Variants in TBC1D14 observed in about 807,000 individuals in gnomAD.
The protein encoded by TBC1D14 is TBC1 domain family, member 14.
Under a neutral mutation model 79.0 loss-of-function variants are expected in TBC1D14, and 26 were observed. The ratio of observed to expected loss-of-function variants is 0.33; its 90% CI spans 0.24 to 0.46. The LOEUF is 0.46. Among genes scored for constraint, TBC1D14 ranks in the 20% least tolerant of loss-of-function variants. The probability of loss-of-function intolerance (pLI) is 1.00; values close to 1 mark genes in which losing one functional copy is unlikely to be tolerated. For synonymous variants in TBC1D14, 394 were observed against 349.9 expected, an observed-to-expected ratio of 1.13 and a Z score of -1.40; for missense variants, 769 against 887.6, an observed-to-expected ratio of 0.87 and a Z score of 1.70.
At chr4:7,021,093 C>G (rs1281837693) in intron 12 of TBC1D14, among the ~76,000 whole-genome samples, 1 of 152,230 alleles carries the variant, frequency 6.6e-6, no homozygotes, top group Admixed American at 6.5e-5. Context: ...TGCCCTCGTC[C>G]TTACCCCATG....
At chr4:6,993,260 C>A (rs1000572715) in intron 3 of TBC1D14, among the ~76,000 whole-genome samples, 2 of 152,198 alleles carry the variant, frequency 1.3e-5, no homozygotes, top group African/African-American at 4.8e-5. Flanking sequence ...TATCTATAAT[C>A]ATCTTAAATG....
rs191185377 is a variant in TBC1D14, at chr4:6,959,127, C to T, written c.723-8177C>T. On this transcript the variant is annotated intron_variant, in intron 2 of 13. Coordinates refer to ENST00000409757, the MANE Select transcript of TBC1D14 (RefSeq NM_020773.3). ...GTCTGCATCTCCTGACCTTGTGATC[C>T]GCCCGCCTCGGCCTCCCAAAGTGCT... 1.1e-3 allele frequency among the ~76,000 whole-genome samples: 169 copies of T among 152,226 alleles called. 1 individual carries two copies. Among genetic ancestry groups the T allele is most frequent in the Middle Eastern group, 6.8e-3 (2 of 294 alleles).
chr4:7,013,277 G>A (rs1348224584), intron 11 of TBC1D14, among the ~76,000 whole-genome samples: 6 of 152,220 alleles, frequency 3.9e-5, no homozygotes, highest in African/African-American at 9.7e-5. Flanking sequence ...ACCTGCCCCC[G>A]GTTATGACGA....
rs1724086859 is a variant in TBC1D14 at position 6,924,090 on chromosome 4, C to T, written c.701C>T (p.Pro234Leu). ...GGGAGTAAATTGAAAATATTGGGGC[C>T]ATTTAGTAACTTCTTTGCAAGGTAA... Reference protein sequence around the residue: ...EEGSKLKILGPFSNFFARNLL... With the variant: ...EEGSKLKILGLFSNFFARNLL... The change falls in exon 2 of 14, where the codon CCA becomes CTA. Residue 234 changes from proline to leucine, a missense_variant. Around this residue, in one of 2 missense-constraint regions of TBC1D14, gnomAD observed 402 missense variants for 393.2 expected, o/e 1.02. Transcript: ENST00000409757. 2 of 1,612,378 alleles carry T rather than the reference C, an allele frequency of 1.2e-6. No homozygotes were observed. The highest frequency in any genetic ancestry group is 1.1e-5 in the South Asian group (1 of 91,060).
chr4:7,009,083 T>G (rs1164893433), intron 9 of TBC1D14, among the ~76,000 whole-genome samples: 1 of 152,244 alleles, frequency 6.6e-6, no homozygotes, highest in African/African-American at 2.4e-5. Flanking sequence ...CATTCTTTTG[T>G]AAGCCACCTG....
chr4:7,019,887 A>G (rs77596409), intron 12 of TBC1D14, among the ~76,000 whole-genome samples: 1,905 of 14,108 alleles, frequency 0.14, 365 homozygotes, highest in African/African-American at 0.19. Context: ...GGACTCTGGG[A>G]CACAGAGGTG....
chr4:6,994,822 T>C (rs1312854793), intron 4 of TBC1D14, among the ~76,000 whole-genome samples: 1 of 148,388 alleles, frequency 6.7e-6, no homozygotes, highest in Admixed American at 6.8e-5. Flanking sequence ...ATCACACCAT[T>C]AATTACACTC....
At chr4:7,014,345 A>G (rs1029728142) in intron 11 of TBC1D14, 103 bp from the exon 12 acceptor site, 46 of 694,708 alleles carry the variant, frequency 6.6e-5, no homozygotes, top group South Asian at 6.3e-4. Context: ...TAATTACAGA[A>G]GAAGGTAATT....
rs145132576 is a variant in TBC1D14, at chr4:6,916,998, A to T, written c.-17-6375A>T. On this transcript the variant is annotated intron_variant, in intron 1 of 13. Transcript: ENST00000409757. ...GGCAGGAATTTTCACTTTCCTGACC[A>T]TCATGTGTTGACAGCGTTCCTCACC... is the stretch of plus-strand genomic sequence containing the variant. Among the ~76,000 whole-genome samples the T allele has an allele frequency of 1.1e-3, 169 of 152,338 alleles. 6 individuals are homozygous for T. In the East Asian group the frequency reaches 0.024, roughly 21 times the overall value.
chr4:6,971,654 A>G (rs989791086), intron 3 of TBC1D14, among the ~76,000 whole-genome samples: 3 of 152,238 alleles, frequency 2.0e-5, no homozygotes, highest in Non-Finnish European at 2.9e-5. Context: ...GTGGCTGTCC[A>G]GTTGCGGTCC....
chr4:6,956,768 C>G (rs534903660), intron 2 of TBC1D14, among the ~76,000 whole-genome samples: 1 of 152,342 alleles, frequency 6.6e-6, no homozygotes, highest in South Asian at 2.1e-4. Context: ...TTTCTAGATG[C>G]AGACCTGTGC....
chr4:6,936,750 A>G lies in TBC1D14; in HGVS notation c.722+12639A>G, dbSNP rs573036567. On this transcript the variant is annotated intron_variant, in intron 2 of 13. Transcript: ENST00000409757. The stretch of plus-strand genomic sequence containing the variant: ...TACCATTTGACTCCCCCTAGCAATG[A>G]ATGAGAGTTTCTGTTGTTCCACATC... Among the ~76,000 whole-genome samples the G allele has an allele frequency of 5.3e-5, 8 of 152,306 alleles. No homozygotes were observed. The South Asian group carries it at 1.7e-3, about 32-fold the overall frequency.
At chr4:6,987,078 G>GC in intron 3 of TBC1D14, 3 of 641,102 alleles carry the variant, frequency 4.7e-6, no homozygotes, top group Non-Finnish European at 5.8e-6. Context: ...GGACGCCCCA[G>GC]CCCCGCCCCT....
chr4:7,011,671 C>G (rs1577168568), intron 11 of TBC1D14, among the ~76,000 whole-genome samples: 1 of 151,974 alleles, frequency 6.6e-6, no homozygotes, highest in East Asian at 2.0e-4. Flanking sequence ...ATTATCGTGT[C>G]TCAGCCTCCC....
Position 6,967,525 on chromosome 4 carries a change from C to T in TBC1D14, c.843+101C>T, listed in dbSNP as rs532064737. The T allele has an allele frequency of 6.2e-6, 9 of 1,462,236 alleles. No homozygotes were observed. The Admixed American group carries it at 8.6e-5, about 14-fold the overall frequency. 90.6% of individuals were successfully genotyped at this position (1,462,236 alleles called of 1,614,324 possible). ...CCATATTGAGTCTGAAACTGGAAAT[C>T]GCTTTGTATTATCTGCATACCACGT... On this transcript the variant is annotated intron_variant, in intron 3 of 13. Transcript: ENST00000409757.
At chr4:7,002,180 G>A (rs1332719570) in intron 7 of TBC1D14, among the ~76,000 whole-genome samples, 1 of 152,236 alleles carries the variant, frequency 6.6e-6, no homozygotes, top group African/African-American at 2.4e-5. Flanking sequence ...TCTGTGCGGT[G>A]TGGTCCTACA....
At chr4:6,923,087 G>A (rs1723996028) in intron 1 of TBC1D14, among the ~76,000 whole-genome samples, 1 of 152,220 alleles carries the variant, frequency 6.6e-6, no homozygotes, top group East Asian at 1.9e-4. Context: ...TGTAATCCCA[G>A]CTACCTGGGA....
chr4:6,951,272 G>A (rs1714012086), intron 2 of TBC1D14, among the ~76,000 whole-genome samples: 2 of 151,970 alleles, frequency 1.3e-5, no homozygotes. Context: ...AGCCTGGGCG[G>A]CAGAGCAAGA....
At chr4:6,923,260 C>G in intron 1 of TBC1D14, 113 bp from the exon 2 acceptor site, 3 of 1,280,632 alleles carry the variant, frequency 2.3e-6, no homozygotes, top group Non-Finnish European at 3.2e-6. Flanking sequence ...TATGTGGAAC[C>G]TTTTCAAGGC....
Sources: gnomAD v4.1 joint callset for allele counts (sites outside exome capture counted in the v4.1 genomes callset) on GRCh38, gnomAD v4.1.1 for gene constraint, gnomAD v4.1.1 regional missense constraint, MANE v1.5 for transcripts, NCBI Gene and HGNC (gene_info 2026-07-23, HGNC 2026-07-21) for gene names.